DAB2IP: variants seen among roughly 807,000 people sequenced by gnomAD.
The protein encoded by DAB2IP is DAB2 interacting protein, also known as disabled homolog 2-interacting protein.
In DAB2IP, 28 loss-of-function variants were observed where a neutral mutation model predicts 107.2. The ratio of observed to expected loss-of-function variants is 0.26; its 90% confidence interval spans 0.19 to 0.36. The LOEUF (loss-of-function observed/expected upper bound fraction) is 0.36, where lower values mean the gene tolerates loss of function less well. DAB2IP is among the 10% of genes least tolerant of loss of function. The pLI is 1.00. For missense variants in DAB2IP, 1,400 were observed against 1,644.7 expected, an observed-to-expected ratio of 0.85 and a Z score of 2.57; for synonymous variants, 755 against 706.4, an observed-to-expected ratio of 1.07 and a Z score of -1.09.
At chr9:121,694,915 A>G (rs965598179) in intron 2 of DAB2IP, among the ~76,000 whole-genome samples, 1 of 152,178 alleles carries the variant, frequency 6.6e-6, no homozygotes, top group African/African-American at 2.4e-5. Context: ...GTCGTGGCAC[A>G]GCTGCCTGAC....
At chr9:121,642,239 C>G (rs949024641) in intron 1 of DAB2IP, among the ~76,000 whole-genome samples, 8 of 151,064 alleles carry the variant, frequency 5.3e-5, no homozygotes, top group African/African-American at 1.9e-4. Context: ...CACCACCATG[C>G]CTGGCTAATT....
intron 8 of DAB2IP, among the ~76,000 whole-genome samples, 181 bp from the exon 9 acceptor site, chr9:121,766,313 C>G (rs560341870): frequency 6.6e-6 from 1 of 152,236 alleles, no homozygotes; most frequent in South Asian, 2.1e-4. Flanking sequence ...GGCACTTGCT[C>G]CAGCCACCCT....
intron 1 of DAB2IP, among the ~76,000 whole-genome samples, chr9:121,575,897 G>A (rs149425724): frequency 1.3e-5 from 2 of 152,136 alleles, no homozygotes; most frequent in Non-Finnish European, 2.9e-5. Flanking sequence ...CAAGGTGTAG[G>A]GAGACCCAAG....
intron 1 of DAB2IP, among the ~76,000 whole-genome samples, chr9:121,568,900 A>G (rs903608563): frequency 6.6e-6 from 1 of 152,186 alleles, no homozygotes; most frequent in Non-Finnish European, 1.5e-5. Context: ...CCCTCATGGA[A>G]AGGCCCCATG....
intron 1 of DAB2IP, among the ~76,000 whole-genome samples, chr9:121,589,944 C>T (rs983439607): frequency 1.2e-4 from 8 of 67,382 alleles, no homozygotes; most frequent in Admixed American, 2.8e-4. Context: ...CCTTCCCTTC[C>T]CTTCCCTTCC....
At chr9:121,675,123 C>T (rs1223392972) in intron 1 of DAB2IP, among the ~76,000 whole-genome samples, 1 of 152,062 alleles carries the variant, frequency 6.6e-6, no homozygotes, top group Non-Finnish European at 1.5e-5. Context: ...CATCTTCCTG[C>T]TGAGTCGCCA....
Position 121,760,806 on chromosome 9 carries a change from G to C in DAB2IP, c.1170+367G>C, listed in dbSNP as rs79814973. Among the ~76,000 whole-genome samples the C allele has an allele frequency of 0.051, 7,758 of 152,200 alleles. 639 individuals carry two copies. The highest frequency in any genetic ancestry group is 0.17 in the African/African-American group (7,245 of 41,484). On this transcript the variant is annotated intron_variant, in intron 6 of 15. Coordinates refer to ENST00000408936, the Ensembl canonical transcript of DAB2IP. This position sits in a 1 kb window ranked among gnomAD's most constrained non-coding sequence, Gnocchi z 5.9. ...CACAGGTCCCACAACGCCACCAGCC[G>C]CAGTGAGCCAAACACACGTCCCCTG...
chr9:121,638,985 GGATAGGAGTAGGGTGTGGTAAGAGGGAA>G (rs1194824541), intron 1 of DAB2IP, among the ~76,000 whole-genome samples: 5 of 152,090 alleles, frequency 3.3e-5, no homozygotes, highest in African/African-American at 1.2e-4. Context: ...GTTGGGGAAG[GGATAGGAGTAGGGTGTGGTAAGAGGGAA>G]GATAGGAGTA....
intron 3 of DAB2IP, among the ~76,000 whole-genome samples, chr9:121,714,041 A>G (rs975228832): frequency 7.9e-5 from 12 of 152,144 alleles, no homozygotes; most frequent in Admixed American, 6.5e-5. Context: ...TGAGGTCTAC[A>G]TGGGATCATG....
chr9:121,653,829 G>A (rs1832863988), intron 1 of DAB2IP, among the ~76,000 whole-genome samples: 1 of 152,212 alleles, frequency 6.6e-6, no homozygotes, highest in African/African-American at 2.4e-5. Flanking sequence ...CACATACACA[G>A]GATCACTGCT....
In DAB2IP at chr9:121,772,322, T is replaced by C. The variant is rs1282285441; in HGVS notation, c.2079-285T>C. 6.6e-6 allele frequency among the ~76,000 whole-genome samples: 1 copy of C among 152,108 alleles called. No homozygotes were observed. Among genetic ancestry groups the C allele is most frequent in the African/African-American group, 2.4e-5 (1 of 41,414 alleles). ...AGAGCAAGCCAGGCCCCAGTACCCATTGTCCCAAGATGCAGCTGAACAGGG... is the reference window on the plus strand; with the variant it reads ...AGAGCAAGCCAGGCCCCAGTACCCACTGTCCCAAGATGCAGCTGAACAGGG... On this transcript the variant is annotated intron_variant, in intron 11 of 15. Transcript: ENST00000408936. This position sits in a 1 kb window ranked among gnomAD's most constrained non-coding sequence, Gnocchi z 4.7.
intron 1 of DAB2IP, among the ~76,000 whole-genome samples, chr9:121,666,365 A>T (rs1833423084): frequency 1.3e-5 from 2 of 152,238 alleles, no homozygotes; most frequent in Non-Finnish European, 2.9e-5. Context: ...AGGGATTAGG[A>T]CGCATGGTTC....
chr9:121,593,559 A>G (rs540739770), intron 1 of DAB2IP, among the ~76,000 whole-genome samples: 4 of 151,972 alleles, frequency 2.6e-5, no homozygotes, highest in Middle Eastern at 6.8e-3. Context: ...GACATGAGCC[A>G]CTGTGCTCAG....
intron 1 of DAB2IP, among the ~76,000 whole-genome samples, chr9:121,568,394 C>T (rs1410225051): frequency 1.3e-5 from 2 of 152,150 alleles, no homozygotes; most frequent in African/African-American, 4.8e-5. Context: ...GAGTGACCTC[C>T]ATGTGCCAAG....
At chr9:121,669,135 T>A (rs1216765719) in intron 1 of DAB2IP, among the ~76,000 whole-genome samples, 1 of 152,076 alleles carries the variant, frequency 6.6e-6, no homozygotes, top group East Asian at 1.9e-4. Flanking sequence ...AGGCTGAGTG[T>A]TGGCCAGGCT....
rs908539934 is a variant in DAB2IP, at chr9:121,774,108, G to A, written c.2968-152G>A. The A allele has an allele frequency of 9.2e-6, 8 of 872,066 alleles. No homozygotes were observed. In the African/African-American group the frequency reaches 1.4e-4, roughly 15 times the overall value. 54.0% of individuals were successfully genotyped at this position (872,066 alleles called of 1,614,324 possible). ...CGTCTGAGAGACAGTTCCCGGGTGGGGACTGCCTCGGTAGGCGCTCAGTCA... is the reference window on the plus strand; with the variant it reads ...CGTCTGAGAGACAGTTCCCGGGTGGAGACTGCCTCGGTAGGCGCTCAGTCA... On this transcript the variant is annotated intron_variant, in intron 12 of 15. Coordinates refer to ENST00000408936, the Ensembl canonical transcript of DAB2IP.
At position 121,634,682 on chromosome 9, in the gene DAB2IP, G is replaced by A. The variant is rs1307084899; in HGVS notation, c.41-43996G>A. Among the ~76,000 whole-genome samples, 1 of 152,202 alleles carries A rather than the reference G, an allele frequency of 6.6e-6. No individual in the cohort carries two copies. Among genetic ancestry groups the A allele is most frequent in the African/African-American group, 2.4e-5 (1 of 41,442 alleles). ...GAAGAGGAGCACCTTTCTCTGGGGA[G>A]AGCACTTCCGGGAGATGTAACTGGG... On this transcript the variant is annotated intron_variant, in intron 1 of 16. Transcript: ENST00000259371. The surrounding 1 kb of genome is among the most constrained non-coding windows in gnomAD (Gnocchi z 4.7).
intron 1 of DAB2IP, among the ~76,000 whole-genome samples, chr9:121,622,476 C>G (rs1258709361): frequency 6.6e-6 from 1 of 152,182 alleles, no homozygotes; most frequent in African/African-American, 2.4e-5. Context: ...ATACCTGACA[C>G]AGGGCAGAAT....
intron 1 of DAB2IP, among the ~76,000 whole-genome samples, chr9:121,622,488 C>T (rs1204207766): frequency 1.3e-5 from 2 of 152,188 alleles, no homozygotes; most frequent in East Asian, 3.9e-4. Context: ...GGGCAGAATT[C>T]TATTCCTTGT....
Sources: gnomAD v4.1 joint callset for allele counts (sites outside exome capture counted in the v4.1 genomes callset) on GRCh38, gnomAD v4.1.1 for gene constraint, Gnocchi (gnomAD v3.1) non-coding constraint, MANE v1.5 for transcripts, NCBI Gene and HGNC (gene_info 2026-07-23, HGNC 2026-07-21) for gene names.